Variants in CDH23 observed in about 807,000 individuals in gnomAD.
The protein encoded by CDH23 is cadherin related 23.
In CDH23, 189 loss-of-function variants were observed where a neutral mutation model predicts 317.1. The observed-to-expected ratio is 0.60, with a 90% CI of 0.53 to 0.67. The LOEUF (loss-of-function observed/expected upper bound fraction) is 0.67. Among genes scored for constraint, CDH23 ranks in the 30% least tolerant of loss-of-function variants. The probability of loss-of-function intolerance (pLI) is 0.00; values close to 1 mark genes in which losing one functional copy is unlikely to be tolerated. For synonymous variants in CDH23, 1,839 were observed against 1,876.8 expected (o/e 0.98, Z 0.52); for missense variants, 4,401 against 4,592.4 (o/e 0.96, Z 1.20).
At chr10:71,476,852 C>T (rs1851819410) in intron 3 of CDH23, among the ~76,000 whole-genome samples, 1 of 152,196 alleles carries the variant, frequency 6.6e-6, no homozygotes, top group African/African-American at 2.4e-5. Flanking sequence ...CCTCTCATGG[C>T]TCTTCCAGAG....
intron 3 of CDH23, among the ~76,000 whole-genome samples, chr10:71,500,886 T>C (rs1024077277): frequency 6.6e-6 from 1 of 151,942 alleles, no homozygotes. Flanking sequence ...TTGTTTTGTT[T>C]TGAGACAGAG....
intron 22 of CDH23, among the ~76,000 whole-genome samples, chr10:71,696,852 C>T (rs1564739406): frequency 6.6e-6 from 1 of 152,238 alleles, no homozygotes; most frequent in Non-Finnish European, 1.5e-5. Flanking sequence ...GACCCTCGCC[C>T]TTTGACACAG....
chr10:71,617,639 A>G (rs541858127), intron 11 of CDH23: 2 of 610,882 alleles, frequency 3.3e-6, no homozygotes, highest in South Asian at 1.4e-4. Context: ...TTTAGAAGTT[A>G]CATACATGAT....
In CDH23 at chr10:71,815,002, G is replaced by A. The variant is rs2133016809; in HGVS notation, c.9789G>A (p.Gln3263=). The change falls in exon 70 of 70, where the codon CAG becomes CAA. Residue 3263 remains glutamine, a synonymous_variant. Coordinates refer to ENST00000224721, the MANE Select transcript of CDH23 (RefSeq NM_022124.6). ...AGCCAGGAGACCACAGCCCAGGGCA[G>A]GGTAGCCTGCGCTTCCGCCACAAGC... ...DEEPGDHSPG[Q]GSLRFRHKPP... is the part of the protein sequence containing the mutation. The A allele has an allele frequency of 6.2e-7, 1 of 1,612,602 alleles. No homozygotes were observed.
rs1312991062 is a variant in CDH23, at chr10:71,680,829, CT to C, written c.1858+1354del. On this transcript the variant is annotated intron_variant, in intron 17 of 69. Coordinates refer to ENST00000224721, the MANE Select transcript of CDH23 (RefSeq NM_022124.6). Reference sequence around the variant, plus strand: ...GTCTTTCTTTTTTTTTTTTCTTTTTCTTTTTTTTTTTTTTTTTGAGACAGAG... The same window carrying C: ...GTCTTTCTTTTTTTTTTTTCTTTTTCTTTTTTTTTTTTTTTTGAGACAGAG... Among the ~76,000 whole-genome samples, 1,066 of 70,110 alleles carry C rather than the reference CT, an allele frequency of 0.015. 18 individuals carry two copies. The East Asian group carries it at 0.18, about 12-fold the overall frequency. The allele number at this position is 70,110 out of a possible 152,430, so 46.0% of individuals were successfully genotyped here.
intron 9 of CDH23, among the ~76,000 whole-genome samples, chr10:71,581,991 C>T (rs915228546): frequency 1.1e-4 from 17 of 152,340 alleles, no homozygotes; most frequent in East Asian, 1.9e-4. Flanking sequence ...GCAAGATGTT[C>T]GACCTCTCAA....
At chr10:71,791,513 C>T (rs910825406) in intron 47 of CDH23, among the ~76,000 whole-genome samples, 178 bp downstream of exon 47, 3 of 152,098 alleles carry the variant, frequency 2.0e-5, no homozygotes, top group Non-Finnish European at 2.9e-5. Context: ...CTTCCCTCCT[C>T]TGAGCTTCTG....
At chr10:71,414,371 G>A (rs1400216381) in intron 1 of CDH23, among the ~76,000 whole-genome samples, 1 of 152,088 alleles carries the variant, frequency 6.6e-6, no homozygotes, top group Non-Finnish European at 1.5e-5. Flanking sequence ...TTTCATAAAT[G>A]TGCATAGAAT....
At chr10:71,558,514 C>T (rs956741725) in intron 6 of CDH23, among the ~76,000 whole-genome samples, 16 of 152,090 alleles carry the variant, frequency 1.1e-4, no homozygotes, top group African/African-American at 3.6e-4. Flanking sequence ...GATGTTGTGT[C>T]TTGTCTTTCT....
chr10:71,559,432 C>T (rs1857019107), intron 6 of CDH23, among the ~76,000 whole-genome samples: 1 of 152,022 alleles, frequency 6.6e-6, no homozygotes, highest in Admixed American at 6.6e-5. Context: ...AAGAGGTATC[C>T]AAGGTAAATA....
At chr10:71,744,029 C>T (rs1026604470) in intron 38 of CDH23, among the ~76,000 whole-genome samples, 5 of 152,200 alleles carry the variant, frequency 3.3e-5, no homozygotes, top group Admixed American at 6.5e-5. Context: ...TTCCCAGAAC[C>T]ACCCTCCAGA....
At chr10:71,788,409 G>T (rs1338455525) in intron 44 of CDH23, among the ~76,000 whole-genome samples, 3 of 151,976 alleles carry the variant, frequency 2.0e-5, no homozygotes, top group African/African-American at 7.2e-5. Flanking sequence ...GTACCTCACT[G>T]TGGCTTATTG....
intron 7 of CDH23, among the ~76,000 whole-genome samples, chr10:71,569,452 C>T (rs1191760947): frequency 5.3e-5 from 8 of 152,194 alleles, no homozygotes; most frequent in Admixed American, 4.6e-4. Context: ...AGAGAATGTT[C>T]GAGCCTGAGG....
chr10:71,648,183 C>T (rs920309865), intron 14 of CDH23, among the ~76,000 whole-genome samples: 3 of 152,336 alleles, frequency 2.0e-5, no homozygotes, highest in Middle Eastern at 3.4e-3. Flanking sequence ...CCCATGACTC[C>T]TCCAGCTTTC....
intron 3 of CDH23, among the ~76,000 whole-genome samples, chr10:71,470,563 C>T (rs138818201): frequency 6.3e-4 from 96 of 152,190 alleles, no homozygotes; most frequent in Middle Eastern, 6.8e-3. Flanking sequence ...CATCACGGCC[C>T]ACTTCAGCCT....
At chr10:71,559,119 G>A (rs1275481585) in intron 6 of CDH23, among the ~76,000 whole-genome samples, 1 of 152,140 alleles carries the variant, frequency 6.6e-6, no homozygotes, top group African/African-American at 2.4e-5. Context: ...AGCTTTTCCA[G>A]TGTTCTGAGA....
At chr10:71,708,789 G>T (rs1865874823) in intron 26 of CDH23, among the ~76,000 whole-genome samples, 1 of 152,242 alleles carries the variant, frequency 6.6e-6, no homozygotes, top group African/African-American at 2.4e-5. Flanking sequence ...ACCCAGAGTG[G>T]CACAGGCACA....
At chr10:71,470,670 G>A (rs1042078987) in intron 3 of CDH23, among the ~76,000 whole-genome samples, 4 of 151,930 alleles carry the variant, frequency 2.6e-5, no homozygotes, top group Admixed American at 2.6e-4. Flanking sequence ...TTTATGTTTT[G>A]TAGAGATGGG....
intron 14 of CDH23, among the ~76,000 whole-genome samples, chr10:71,663,124 A>C (rs923632178): frequency 6.6e-6 from 1 of 152,190 alleles, no homozygotes; most frequent in Non-Finnish European, 1.5e-5. Flanking sequence ...CCCTTTTCCA[A>C]ATAAGGTCAC....
Sources: gnomAD v4.1 joint callset for allele counts (sites outside exome capture counted in the v4.1 genomes callset) on GRCh38, gnomAD v4.1.1 for gene constraint, MANE v1.5 for transcripts, NCBI Gene and HGNC (gene_info 2026-07-23, HGNC 2026-07-21) for gene names.